ZIM2: variants seen among roughly 807,000 people sequenced by gnomAD.
ZIM2 encodes the protein zinc finger protein 656.
In ZIM2, 14 loss-of-function variants were observed where a neutral mutation model predicts 38.6. The observed-to-expected ratio is 0.36, with a 90% CI of 0.24 to 0.57. The LOEUF is 0.57. ZIM2 is among the 20% of genes least tolerant of loss of function. The pLI, the probability that ZIM2 is intolerant of heterozygous loss-of-function variation, is 0.81. For missense variants in ZIM2, 680 were observed against 695.1 expected (o/e 0.98, Z 0.24); for synonymous variants, 247 against 245.8 (o/e 1.00, Z -0.04).
intron 4 of ZIM2, 79 bp downstream of exon 4, chr19:56,824,183 G>A (rs2060791121): frequency 1.3e-6 from 2 of 1,557,990 alleles, no homozygotes; most frequent in East Asian, 4.5e-5. Flanking sequence ...TCCAGACCAT[G>A]TCAGAAGTGT....
At chr19:56,776,958 A>C (rs1008291713) in intron 12 of ZIM2, among the ~76,000 whole-genome samples, 3 of 152,212 alleles carry the variant, frequency 2.0e-5, no homozygotes, top group Non-Finnish European at 2.9e-5. Flanking sequence ...TGCAAATTTC[A>C]GGCCAGAATG....
chr19:56,833,394 T>C, intron 2 of ZIM2: 8 of 344,982 alleles, frequency 2.3e-5, no homozygotes, highest in South Asian at 1.8e-4. Flanking sequence ...GTCTCTCTTC[T>C]TGTTTGCTCC....
At chr19:56,800,722 C>T (rs568762601) in intron 9 of ZIM2, among the ~76,000 whole-genome samples, 217 of 151,988 alleles carry the variant, frequency 1.4e-3, no homozygotes, top group African/African-American at 4.0e-3. Flanking sequence ...AATAAAATGA[C>T]CGATTATTTT....
chr19:56,819,281 T>C (rs2060259601), intron 7 of ZIM2, among the ~76,000 whole-genome samples: 2 of 152,214 alleles, frequency 1.3e-5, no homozygotes, highest in African/African-American at 4.8e-5. Context: ...ATGGCTACAT[T>C]GAGGGAGTCT....
intron 8 of ZIM2, 111 bp from the exon 9 acceptor site, chr19:56,817,949 C>A: frequency 1.3e-6 from 1 of 765,780 alleles, no homozygotes; most frequent in Non-Finnish European, 2.2e-6. Flanking sequence ...TGGCCCACAT[C>A]TGATTCCTTG....
At chr19:56,815,454 G>A (rs766611155) in intron 9 of ZIM2, 5 of 1,614,094 alleles carry the variant, frequency 3.1e-6, no homozygotes, top group Non-Finnish European at 4.2e-6. Flanking sequence ...TGCTTCCAGA[G>A]GGCTTCTCCC....
intron 2 of ZIM2, among the ~76,000 whole-genome samples, chr19:56,828,597 CT>C (rs1316925835): frequency 6.6e-6 from 1 of 152,098 alleles, no homozygotes; most frequent in Non-Finnish European, 1.5e-5. Flanking sequence ...ATGGGTCCAA[CT>C]TTTCTGCACT....
chr19:56,814,597 A>G lies in ZIM2; in HGVS notation c.490+3149T>C, dbSNP rs775781773. 1 of 1,614,112 alleles carries G rather than the reference A, an allele frequency of 6.2e-7. No individual in the cohort carries two copies. The highest frequency in any genetic ancestry group is 8.5e-7 in the Non-Finnish European group (1 of 1,179,990). ...AGATTCTCCACAGACTGCACATTCA[A>G]AGAGTCTCTCTTCGGTCTGACTTCT... On this transcript the variant is annotated intron_variant, in intron 9 of 12. Transcript: ENST00000629319. This position sits in a 1 kb window ranked among gnomAD's most constrained non-coding sequence, Gnocchi z 5.8.
rs749426237 is a variant in ZIM2, at chr19:56,774,741, G to C, written c.1624C>G (p.Gln542Glu). 1 of 1,614,116 alleles carries C rather than the reference G, an allele frequency of 6.2e-7. No individual in the cohort carries two copies. Among genetic ancestry groups the C allele is most frequent in the Non-Finnish European group, 8.5e-7 (1 of 1,180,030 alleles). The change falls in exon 13 of 13, where the codon CAA becomes GAA. Residue 542 changes from glutamine (Q) to glutamate (E), a missense_variant. By Grantham distance (29) the Gln-to-Glu change is conservative (BLOSUM62 2). Transcript: ENST00000629319. Reference sequence around the variant, plus strand: ...TCTTGAGAATGGAGTTGATAATGTTGAGTGAGGTATGAGGGTCGGCCGAAA... The same window carrying C: ...TCTTGAGAATGGAGTTGATAATGTTCAGTGAGGTATGAGGGTCGGCCGAAA... ...KCFGRPSYLT[Q>E]HYQLHSQEKT... is the part of the protein sequence containing the mutation.
chr19:56,822,545 A>C, intron 6 of ZIM2: 1 of 529,000 alleles, frequency 1.9e-6, no homozygotes, highest in Admixed American at 3.5e-5. Context: ...CAAATAGTTT[A>C]GGTGGCAACA....
chr19:56,807,782 C>A lies in ZIM2; in HGVS notation c.490+9964G>T, dbSNP rs566424372. Among the ~76,000 whole-genome samples, 274 of 145,842 alleles carry A rather than the reference C, an allele frequency of 1.9e-3. 2 individuals are homozygous for A. The highest frequency in any genetic ancestry group is 6.6e-3 in the African/African-American group (263 of 39,612). ...CTTCAGGCTGGGCAACAGAGTGAGACCTTGTCTCAAAAAAAAAAAAGAAAA... is the reference window on the plus strand; with the variant it reads ...CTTCAGGCTGGGCAACAGAGTGAGAACTTGTCTCAAAAAAAAAAAAGAAAA... On this transcript the variant is annotated intron_variant, in intron 9 of 12. Coordinates refer to ENST00000629319, the MANE Select transcript of ZIM2 (RefSeq NM_001387356.1).
chr19:56,792,686 T>C (rs928216760), intron 9 of ZIM2, among the ~76,000 whole-genome samples: 1 of 151,606 alleles, frequency 6.6e-6, no homozygotes, highest in African/African-American at 2.4e-5. Flanking sequence ...AGGGCAAAGG[T>C]TGAAAAACTG....
chr19:56,788,569 G>A (rs148782983), intron 10 of ZIM2, among the ~76,000 whole-genome samples: 2,423 of 152,198 alleles, frequency 0.016, 57 homozygotes, highest in Admixed American at 0.032. Context: ...CTCTCTGACT[G>A]CACTTAACAT....
intron 9 of ZIM2, chr19:56,817,414 C>G: frequency 6.2e-7 from 1 of 1,614,138 alleles, no homozygotes; most frequent in Non-Finnish European, 8.5e-7. Context: ...ATCTGACATT[C>G]TGGGGAATCT....
chr19:56,780,661 T>C (rs2046287167), intron 11 of ZIM2, among the ~76,000 whole-genome samples: 2 of 151,910 alleles, frequency 1.3e-5, no homozygotes, highest in South Asian at 4.2e-4. Flanking sequence ...GAAACTAAGG[T>C]TATTGAGTGC....
chr19:56,779,584 C>T, intron 11 of ZIM2, 112 bp from the exon 12 acceptor site: 2 of 984,440 alleles, frequency 2.0e-6, no homozygotes, highest in Non-Finnish European at 3.1e-6. Context: ...AAAATGAAGC[C>T]TGTTTCCAGC....
chr19:56,812,976 G>T (rs2146107851), intron 9 of ZIM2: 1 of 985,820 alleles, frequency 1.0e-6, no homozygotes, highest in South Asian at 4.7e-5. Context: ...TGTTGGCGCA[G>T]ATGAAATGGC....
intron 9 of ZIM2, among the ~76,000 whole-genome samples, chr19:56,806,547 T>C (rs1241290731): frequency 6.6e-6 from 1 of 152,152 alleles, no homozygotes. Context: ...GAGAAAATAT[T>C]TACTTCTTCT....
In ZIM2 at chr19:56,774,579, G is replaced by A. The variant is rs1239012460; in HGVS notation, c.*109C>T. 7.3e-7 allele frequency: 1 copy of A among 1,370,506 alleles called. No homozygotes were observed. Among genetic ancestry groups the A allele is most frequent in the Non-Finnish European group, 9.8e-7 (1 of 1,022,970 alleles). The allele number at this position is 1,370,506 out of a possible 1,614,324, so 84.9% of individuals were successfully genotyped here. A position where few individuals can be genotyped will look rare whatever the true frequency, so the allele number is the denominator to read the frequency against. On this transcript the variant is annotated 3_prime_UTR_variant, in exon 13 of 13. Transcript: ENST00000629319. The stretch of plus-strand genomic sequence containing the variant: ...TTTTTTTTACCACACTTTGATGAAT[G>A]TTCAAGTTGTTAACAAGGTGGGGCT...
Sources: gnomAD v4.1 joint callset for allele counts (sites outside exome capture counted in the v4.1 genomes callset) on GRCh38, gnomAD v4.1.1 for gene constraint, Gnocchi (gnomAD v3.1) non-coding constraint, MANE v1.5 for transcripts, NCBI Gene and HGNC (gene_info 2026-07-23, HGNC 2026-07-21) for gene names.